The following CBFB variants were observed in gnomAD, a reference collection of about 807,000 sequenced individuals.
CBFB encodes the protein CBF-beta.
CBFB carries 9 observed loss-of-function variants against 30.4 expected under a neutral mutation model. The ratio of observed to expected loss-of-function variants is 0.30; its 90% confidence interval spans 0.18 to 0.52. CBFB has a LOEUF of 0.52. CBFB is among the 20% of genes least tolerant of loss of function. CBFB has a pLI of 0.97. For synonymous variants in CBFB, 94 were observed against 84.0 expected, an observed-to-expected ratio of 1.12 and a Z score of -0.65; for missense variants, 170 against 244.0, an observed-to-expected ratio of 0.70 and a Z score of 2.02.
intron 3 of CBFB, among the ~76,000 whole-genome samples, chr16:67,052,727 T>C (rs896379432): frequency 6.6e-5 from 10 of 151,898 alleles, no homozygotes; most frequent in Non-Finnish European, 1.3e-4. Flanking sequence ...TTTCAGAGGT[T>C]AAGGAGGGAG....
At chr16:67,079,211 T>G (rs2145766967) in intron 4 of CBFB, among the ~76,000 whole-genome samples, 1 of 152,314 alleles carries the variant, frequency 6.6e-6, no homozygotes, top group African/African-American at 2.4e-5. Context: ...TATTTAATCT[T>G]TACAACAATC....
intron 5 of CBFB, among the ~76,000 whole-genome samples, chr16:67,095,263 A>T (rs1404983393): frequency 6.7e-6 from 1 of 149,336 alleles, no homozygotes; most frequent in African/African-American, 2.5e-5. Flanking sequence ...TCACGCCTGT[A>T]ATCCCAACAC....
intron 3 of CBFB, among the ~76,000 whole-genome samples, chr16:67,062,562 C>T (rs1411177122): frequency 7.9e-5 from 12 of 151,152 alleles, no homozygotes; most frequent in Admixed American, 6.6e-5. Flanking sequence ...GAGGCCAAGG[C>T]GGGCGGATCA....
At chr16:67,033,234 A>G (rs1414919650) in intron 2 of CBFB, among the ~76,000 whole-genome samples, 1 of 152,246 alleles carries the variant, frequency 6.6e-6, no homozygotes, top group Non-Finnish European at 1.5e-5. Flanking sequence ...CTCTTTAACT[A>G]TAAAACTCAA....
intron 5 of CBFB, among the ~76,000 whole-genome samples, chr16:67,086,850 T>A (rs552963936): frequency 6.6e-6 from 1 of 152,232 alleles, no homozygotes; most frequent in Admixed American, 6.5e-5. Context: ...GCAGTGTACT[T>A]TAGCAACCAC....
Position 67,053,008 on chromosome 16 carries a change from CAAAAAAAA to C in CBFB, c.283-13667_283-13660del, listed in dbSNP as rs574234817. 1.5e-4 allele frequency among the ~76,000 whole-genome samples: 18 copies of C among 121,924 alleles called. No homozygotes were observed. In the South Asian group the frequency reaches 2.8e-3, roughly 19 times the overall value. The allele number at this position is 121,924 out of a possible 152,430, so 80.0% of individuals were successfully genotyped here. ...CATACCACAGAGCAAGATGCTATCT[CAAAAAAAA>C]AAAAAAGAAAAAAAGAGAAAGAAAA... On this transcript the variant is annotated intron_variant, in intron 3 of 5. Transcript: ENST00000412916.
In CBFB at chr16:67,058,128, G is replaced by GGTTGTTGTTGTTGTT. The variant is rs59958780; in HGVS notation, c.283-8537_283-8523dup. Among the ~76,000 whole-genome samples, 392 of 151,436 alleles carry GGTTGTTGTTGTTGTT rather than the reference G, an allele frequency of 2.6e-3. 3 individuals are homozygous for GGTTGTTGTTGTTGTT. Among genetic ancestry groups the GGTTGTTGTTGTTGTT allele is most frequent in the Middle Eastern group, 3.4e-3 (1 of 294 alleles). ...TGACATCACACTAGTTATTCAAATC[G>GGTTGTTGTTGTTGTT]GTTGTTGTTGTTGTTGTTGTTGTTG... On this transcript the variant is annotated intron_variant, in intron 3 of 5. Transcript: ENST00000412916.
intron 3 of CBFB, among the ~76,000 whole-genome samples, chr16:67,046,376 C>T (rs1966627612): frequency 6.6e-6 from 1 of 152,280 alleles, no homozygotes; most frequent in East Asian, 1.9e-4. Flanking sequence ...GCTGGGATTA[C>T]AGGCATGTAC....
intron 3 of CBFB, 133 bp downstream of exon 3, chr16:67,036,888 T>C: frequency 1.6e-6 from 1 of 628,012 alleles, no homozygotes; most frequent in Non-Finnish European, 2.8e-6. Context: ...CATTCCATGT[T>C]ATAAGGATGT....
At chr16:67,088,640 A>G (rs2204708) in intron 5 of CBFB, among the ~76,000 whole-genome samples, 5,534 of 152,312 alleles carry the variant, frequency 0.036, 148 homozygotes, top group South Asian at 0.078. Flanking sequence ...CTGAGGCAGA[A>G]AAGAAAAATA....
intron 4 of CBFB, among the ~76,000 whole-genome samples, chr16:67,068,689 G>T (rs1453641865): frequency 1.3e-5 from 2 of 152,146 alleles, no homozygotes; most frequent in Non-Finnish European, 2.9e-5. Flanking sequence ...ATGCAACTAT[G>T]AAAATGCAAC....
chr16:67,085,738 C>T (rs1226199111), intron 5 of CBFB, among the ~76,000 whole-genome samples: 5 of 139,880 alleles, frequency 3.6e-5, no homozygotes, highest in South Asian at 2.3e-4. Flanking sequence ...AGTGCAGTGG[C>T]GCATTCTCAG....
chr16:67,048,944 C>T (rs891638200), intron 3 of CBFB, among the ~76,000 whole-genome samples: 6 of 151,164 alleles, frequency 4.0e-5, no homozygotes, highest in South Asian at 2.1e-4. Context: ...CTCAGCCTCC[C>T]GAGTAGCTGG....
intron 4 of CBFB, among the ~76,000 whole-genome samples, chr16:67,069,209 C>T (rs563749946): frequency 6.6e-6 from 1 of 151,092 alleles, no homozygotes; most frequent in East Asian, 2.0e-4. Context: ...AGCGAAACTC[C>T]ATCTCAAAAA....
In CBFB at chr16:67,098,961, AT is replaced by A. The variant is rs1962140559; in HGVS notation, c.*186del. The A allele has an allele frequency of 4.9e-5, 22 of 451,180 alleles. No homozygotes were observed. In the South Asian group the frequency reaches 1.1e-3, roughly 24 times the overall value. The allele number at this position is 451,180 out of a possible 1,614,324, so 27.9% of individuals were successfully genotyped here. A position where few individuals can be genotyped will look rare whatever the true frequency, so the allele number is the denominator to read the frequency against. On this transcript the variant is annotated 3_prime_UTR_variant, in exon 6 of 6. Coordinates refer to ENST00000412916, the MANE Select transcript of CBFB (RefSeq NM_022845.3). ...TTTGCACTATGATTATAATACCTGC[AT>A]TTCTAATTTTTTAAGCATGTAGCCA...
intron 4 of CBFB, among the ~76,000 whole-genome samples, chr16:67,079,827 C>T (rs910195449): frequency 4.6e-5 from 7 of 152,088 alleles, no homozygotes; most frequent in African/African-American, 1.7e-4. Flanking sequence ...TGGATCTTTT[C>T]GTTTCTTCAA....
chr16:67,071,966 A>G (rs567023414), intron 4 of CBFB, among the ~76,000 whole-genome samples: 2 of 152,258 alleles, frequency 1.3e-5, no homozygotes, highest in East Asian at 1.9e-4. Flanking sequence ...CCTCACTTCC[A>G]TGGCCCAACA....
intron 4 of CBFB, among the ~76,000 whole-genome samples, chr16:67,067,696 G>A (rs1226116259): frequency 6.6e-6 from 1 of 152,032 alleles, no homozygotes; most frequent in Non-Finnish European, 1.5e-5. Context: ...TGGTAGATCT[G>A]TTGTCCTGTC....
chr16:67,033,711 A>G (rs889705109), intron 2 of CBFB, among the ~76,000 whole-genome samples: 20 of 143,812 alleles, frequency 1.4e-4, no homozygotes, highest in African/African-American at 5.3e-4. Flanking sequence ...TCCTGGGTTC[A>G]CGCCATTCTC....
Sources: gnomAD v4.1 joint callset for allele counts (sites outside exome capture counted in the v4.1 genomes callset) on GRCh38, gnomAD v4.1.1 for gene constraint, MANE v1.5 for transcripts, NCBI Gene and HGNC (gene_info 2026-07-23, HGNC 2026-07-21) for gene names.